The following ITGA2B variants were observed in gnomAD, a reference collection of about 807,000 sequenced individuals.
The protein encoded by ITGA2B is integrin alpha-IIb.
In ITGA2B, 91 loss-of-function variants were observed where a neutral mutation model predicts 142.0. That is an observed-to-expected ratio of 0.64 (90% confidence interval 0.54 to 0.76). ITGA2B has a LOEUF of 0.76. Ranked by LOEUF, ITGA2B falls within the 30% of genes least tolerant of loss-of-function variation. The pLI is 0.00. For missense variants in ITGA2B, 1,231 were observed against 1,350.8 expected (o/e 0.91, Z 1.39); for synonymous variants, 536 against 567.2 (o/e 0.94, Z 0.78).
chr17:44,388,351 C>CTT (rs35720866), intron 1 of ITGA2B, among the ~76,000 whole-genome samples: 155 of 97,302 alleles, frequency 1.6e-3, no homozygotes, highest in East Asian at 2.3e-3. Context: ...CATTTCCTTT[C>CTT]TTTTTTTTTT....
At chr17:44,377,822 C>T (rs1408491856) in intron 20 of ITGA2B, 32 bp from the exon 21 acceptor site, 3 of 1,434,872 alleles carry the variant, frequency 2.1e-6, no homozygotes. Context: ...AAAGAAATTA[C>T]AGAGCATCAT....
Position 44,374,405 on chromosome 17 carries a change from A to G in ITGA2B, c.3009T>C (p.Gly1003=), listed in dbSNP as rs1257534788. 1 of 1,613,988 alleles carries G rather than the reference A, an allele frequency of 6.2e-7. No individual in the cohort carries two copies. The highest frequency in any genetic ancestry group is 2.2e-5 in the East Asian group (1 of 44,868). Residue 1003 remains glycine (G), a synonymous_variant, in exon 29 of 30, where the codon GGT becomes GGC. Transcript: ENST00000262407. Reference sequence around the variant, plus strand: ...TGAGCAGCAGCAGGCCACCCAGCACACCCACCAGCACCCACCAGATTGGAA... The same window carrying G: ...TGAGCAGCAGCAGGCCACCCAGCACGCCCACCAGCACCCACCAGATTGGAA... ...RAIPIWWVLV[G]VLGGLLLLTI...
intron 1 of ITGA2B, among the ~76,000 whole-genome samples, chr17:44,386,723 C>A (rs1285027102): frequency 6.6e-6 from 1 of 152,166 alleles, no homozygotes; most frequent in Non-Finnish European, 1.5e-5. Context: ...GTAATAAATA[C>A]GAGTAACGGT....
At chr17:44,374,020 C>T (rs2048517892) in intron 29 of ITGA2B, 4 of 348,718 alleles carry the variant, frequency 1.1e-5, no homozygotes, top group South Asian at 9.4e-5. Context: ...ATTCTACTGC[C>T]TCAGCCTCCC....
chr17:44,376,358 A>G lies in ITGA2B; in HGVS notation c.2298T>C (p.Ile766=), dbSNP rs2048544468. ...SKNSQNPNSK[I]VLLDVPVRAE... ...CCCGGACCGGCACGTCCAGCAGCAC[A>G]ATCTTGCTGTTTGGATTCTGGCTGT... is the stretch of plus-strand genomic sequence containing the variant. The change falls in exon 23 of 30, where the codon ATT becomes ATC. Residue 766 remains isoleucine (I), a synonymous_variant. Transcript: ENST00000262407. 6.2e-7 allele frequency: 1 copy of G among 1,614,010 alleles called. No homozygotes were observed. Among genetic ancestry groups the G allele is most frequent in the African/African-American group, 1.3e-5 (1 of 74,898 alleles).
Position 44,380,917 on chromosome 17 carries a change from A to C in ITGA2B, c.1355T>G (p.Leu452Arg), listed in dbSNP as rs775251867. The change falls in exon 13 of 30, where the codon CTT (leucine) becomes CGT (arginine). Residue 452 changes from leucine to arginine, a missense_variant. Physicochemically the swap from Leu to Arg is moderately radical, Grantham distance 102. Coordinates refer to ENST00000262407, the MANE Select transcript of ITGA2B (RefSeq NM_000419.5). ...GTCATCGATGTCTACGGCACCTCGA[A>C]GGGAGAAGCCAAAGGCAGAGCCTGT... ...FPTGSAFGFS[L>R]RGAVDIDDNG... The C allele has an allele frequency of 1.2e-6, 2 of 1,614,232 alleles. No individual in the cohort carries two copies. Among genetic ancestry groups the C allele is most frequent in the South Asian group, 2.2e-5 (2 of 91,088 alleles).
Position 44,374,981 on chromosome 17 carries a change from A to AC in ITGA2B, c.2841+16dup. The AC allele has an allele frequency of 1.3e-6, 1 of 764,490 alleles. No individual in the cohort carries two copies. The highest frequency in any genetic ancestry group is 1.8e-6 in the Non-Finnish European group (1 of 546,676). 47.4% of individuals were successfully genotyped at this position (764,490 alleles called of 1,614,324 possible). ...CGCCCAGAAGGCCCGGCCCCGCCCC[A>AC]CCACGGCCCACCCCACCTGGTAGAG... On this transcript the variant is annotated intron_variant, in intron 27 of 29. Transcript: ENST00000262407.
At chr17:44,386,202 G>A (rs2048648377) in intron 1 of ITGA2B, 71 bp from the exon 2 acceptor site, 4 of 1,537,364 alleles carry the variant, frequency 2.6e-6, no homozygotes, top group African/African-American at 2.7e-5. Flanking sequence ...GGCGCTGGGA[G>A]CACTGCCCGG....
intron 9 of ITGA2B, 50 bp from the exon 10 acceptor site, chr17:44,384,188 T>A: frequency 7.3e-7 from 1 of 1,361,470 alleles, no homozygotes; most frequent in Non-Finnish European, 1.0e-6. Context: ...CAAAGCAACC[T>A]CCCACTCCAG....
chr17:44,383,372 C>G (rs2048612646), intron 12 of ITGA2B, 121 bp downstream of exon 12: 1 of 920,042 alleles, frequency 1.1e-6, no homozygotes. Flanking sequence ...CCCCATGTGT[C>G]TAAGCCACAT....
intron 13 of ITGA2B, 32 bp downstream of exon 13, chr17:44,380,847 G>C (rs1382728925): frequency 2.5e-6 from 4 of 1,612,982 alleles, no homozygotes; most frequent in Non-Finnish European, 3.4e-6. Flanking sequence ...GGCCTTTCTT[G>C]GGCATTTCTA....
At chr17:44,383,395 A>G in intron 12 of ITGA2B, 98 bp downstream of exon 12, 1 of 1,160,992 alleles carries the variant, frequency 8.6e-7, no homozygotes, top group South Asian at 1.3e-5. Context: ...TTATATGCTT[A>G]AAACCCATCC....
At chr17:44,388,780 G>T (rs1266695141) in intron 1 of ITGA2B, among the ~76,000 whole-genome samples, 1 of 150,888 alleles carries the variant, frequency 6.6e-6, no homozygotes, top group African/African-American at 2.4e-5. Context: ...GCCTCCCAAA[G>T]TGCTGGGATT....
At chr17:44,373,868 G>C (rs1272073706) in intron 29 of ITGA2B, 2 of 212,854 alleles carry the variant, frequency 9.4e-6, no homozygotes, top group Non-Finnish European at 1.9e-5. Flanking sequence ...TTTTGTGTTT[G>C]TTTTGCCTTT....
chr17:44,380,965 T>C lies in ITGA2B; in HGVS notation c.1307A>G (p.Gln436Arg), dbSNP rs1359300546. The part of the protein sequence containing the change: ...QSEGLRSRPS[Q>R]VLDSPFPTGS... The stretch of plus-strand genomic sequence containing the variant: ...TGTGGGGAAGGGGCTGTCCAGGACC[T>C]GGGAGGGACGTGACCTCAGCCCCTC... Residue 436 changes from glutamine (Q) to arginine (R), a missense_variant, in exon 13 of 30, where the codon CAG becomes CGG. This residue lies in a region of ITGA2B where 908 missense variants were observed against 1,021.1 expected (regional missense o/e 0.89). Transcript: ENST00000262407. 3.1e-6 allele frequency: 5 copies of C among 1,613,946 alleles called. No homozygotes were observed. The African/African-American group carries it at 4.0e-5, about 13-fold the overall frequency.
chr17:44,380,472 C>T lies in ITGA2B; in HGVS notation c.1458G>A (p.Lys486=). ...VAVYRAQPVV[K]ASVQLLVQDS... is the part of the protein sequence containing the mutation. Reference sequence around the variant, plus strand: ...CTTGCACCAGTAGCTGGACAGAGGCCTTCACCACTGGCTGAGCTCTGATGG... The same window carrying T: ...CTTGCACCAGTAGCTGGACAGAGGCTTTCACCACTGGCTGAGCTCTGATGG... The change falls in exon 15 of 30, where the codon AAG becomes AAA. Residue 486 remains lysine, a synonymous_variant. Transcript: ENST00000262407. 1.2e-6 allele frequency: 2 copies of T among 1,614,128 alleles called. No homozygotes were observed. The highest frequency in any genetic ancestry group is 2.7e-5 in the African/African-American group (2 of 75,030).
At chr17:44,374,968 C>T (rs1474529477) in intron 27 of ITGA2B, 30 bp downstream of exon 27, 1 of 1,483,000 alleles carries the variant, frequency 6.7e-7, no homozygotes, top group Non-Finnish European at 9.1e-7. Flanking sequence ...CCCAGAAGGC[C>T]CGGCCCCGCC....
At chr17:44,380,543 G>A (rs915296793) in intron 14 of ITGA2B, 53 bp from the exon 15 acceptor site, 1 of 1,613,600 alleles carries the variant, frequency 6.2e-7, no homozygotes, top group African/African-American at 1.3e-5. Context: ...CTCCTGGCCT[G>A]GCCTCCTCTT....
rs761862810 is a variant in ITGA2B, at chr17:44,389,371, C to G, written c.103G>C (p.Asp35His). The change falls in exon 1 of 30, where the codon GAC (aspartate) becomes CAC (histidine). Residue 35 changes from aspartate to histidine, a missense_variant. By Grantham distance (81) the Asp-to-His change is moderately conservative. Transcript: ENST00000262407. ...AAPPAWALNLDPVQLTFYAGP... is the reference protein window; with the variant it reads ...AAPPAWALNLHPVQLTFYAGP... ...GCATAGAAGGTGAGCTGCACTGGGT[C>G]CAGGTTCAAGGCCCAGGCTGGAGGG... The G allele has an allele frequency of 4.3e-6, 7 of 1,614,132 alleles. No individual in the cohort carries two copies. Among genetic ancestry groups the G allele is most frequent in the Non-Finnish European group, 5.9e-6 (7 of 1,180,018 alleles).
Sources: allele counts gnomAD v4.1 joint callset (sites outside exome capture counted in the v4.1 genomes callset), GRCh38; gene constraint gnomAD v4.1.1; regional missense constraint gnomAD v4.1.1; transcripts MANE v1.5; gene names NCBI Gene and HGNC (gene_info 2026-07-23, HGNC 2026-07-21).